FRYL: variants seen among roughly 807,000 people sequenced by gnomAD.
FRYL encodes the protein FRY like transcription coactivator, also known as protein furry homolog-like.
In FRYL, 150 loss-of-function variants were observed where a neutral mutation model predicts 351.2. The ratio of observed to expected loss-of-function variants is 0.43; its 90% CI spans 0.37 to 0.49. The LOEUF (loss-of-function observed/expected upper bound fraction) is 0.49, where lower values mean the gene tolerates loss of function less well. Ranked by LOEUF, FRYL falls within the 20% of genes least tolerant of loss-of-function variation. The pLI is 0.00. For missense variants in FRYL, 3,036 were observed against 3,619.3 expected (o/e 0.84, Z 4.13); for synonymous variants, 1,153 against 1,257.1 (o/e 0.92, Z 1.75).
chr4:48,630,958 T>C (rs188017512), intron 4 of FRYL, among the ~76,000 whole-genome samples: 21 of 152,314 alleles, frequency 1.4e-4, no homozygotes, highest in African/African-American at 4.8e-4. Flanking sequence ...CCTAAAAGGG[T>C]ACAGAATAAA....
chr4:48,631,110 C>G (rs1380331740), intron 4 of FRYL, among the ~76,000 whole-genome samples: 1 of 152,062 alleles, frequency 6.6e-6, no homozygotes, highest in Non-Finnish European at 1.5e-5. Flanking sequence ...TAAATAAAAA[C>G]AAAGCTGGCA....
At chr4:48,732,719 T>C (rs1212797430) in intron 1 of FRYL, among the ~76,000 whole-genome samples, 7 of 129,450 alleles carry the variant, frequency 5.4e-5, no homozygotes, top group African/African-American at 1.8e-4. Flanking sequence ...AAGTAGGAGA[T>C]GAACAATGAG....
chr4:48,729,735 G>A (rs941721282), intron 1 of FRYL, among the ~76,000 whole-genome samples: 5 of 152,082 alleles, frequency 3.3e-5, no homozygotes, highest in African/African-American at 1.2e-4. Flanking sequence ...CCCATCCGTA[G>A]GTCACCAACA....
chr4:48,660,313 G>A (rs1247535124), intron 3 of FRYL, among the ~76,000 whole-genome samples: 1 of 152,212 alleles, frequency 6.6e-6, no homozygotes. Flanking sequence ...TAACCTAGCA[G>A]GCCTGACTGC....
At position 48,498,034 on chromosome 4, in the gene FRYL, G is replaced by A. The variant is rs1718782993; in HGVS notation, c.*1388C>T. 6.6e-6 allele frequency: 1 copy of A among 151,662 alleles called. No homozygotes were observed. Among genetic ancestry groups the A allele is most frequent in the Non-Finnish European group, 1.5e-5 (1 of 67,908 alleles). The allele number at this position is 151,662 out of a possible 1,614,324, so 9.4% of individuals were successfully genotyped here. On this transcript the variant is annotated 3_prime_UTR_variant, in exon 64 of 64. Coordinates refer to ENST00000358350, the MANE Select transcript of FRYL (RefSeq NM_015030.2). ...TAAGAGATGTATATAAAAAATACAA[G>A]GTGTTTCTTTCAAATCAGGAGTTGT...
intron 39 of FRYL, 116 bp from the exon 40 acceptor site, chr4:48,548,909 A>C (rs1481724393): frequency 1.3e-5 from 8 of 608,820 alleles, no homozygotes; most frequent in Non-Finnish European, 2.3e-5. Context: ...AATACAACTT[A>C]TCAAGGAAAA....
Position 48,543,851 on chromosome 4 carries a change from A to C in FRYL, c.5548T>G (p.Ser1850Ala). 6 of 1,613,826 alleles carry C rather than the reference A, an allele frequency of 3.7e-6. No individual in the cohort carries two copies. The highest frequency in any genetic ancestry group is 5.1e-6 in the Non-Finnish European group (6 of 1,179,778). Reference sequence around the variant, plus strand: ...TCCCCTACAGTTTCTACAAGTCTGGAGAGAACATCAGAAAGTGTAGTTGCA... The same window carrying C: ...TCCCCTACAGTTTCTACAAGTCTGGCGAGAACATCAGAAAGTGTAGTTGCA... ...LTATTLSDVL[S>A]RLVETVGDPG... is the part of the protein sequence containing the mutation. Residue 1850 changes from serine (S) to alanine (A), a missense_variant, in exon 44 of 64, where the codon TCC (serine) becomes GCC (alanine). This residue lies in a region of FRYL where 1,987 missense variants were observed against 2,311.7 expected (regional missense o/e 0.86). Coordinates refer to ENST00000358350, the MANE Select transcript of FRYL (RefSeq NM_015030.2).
intron 32 of FRYL, 23 bp downstream of exon 32, chr4:48,562,865 AT>A: frequency 7.6e-7 from 1 of 1,314,760 alleles, no homozygotes; most frequent in Non-Finnish European, 1.1e-6. Context: ...GTAAAAAAAT[AT>A]TTAAATTCAC....
intron 1 of FRYL, among the ~76,000 whole-genome samples, chr4:48,743,579 A>G (rs1772349197): frequency 1.3e-5 from 2 of 152,200 alleles, no homozygotes; most frequent in Admixed American, 6.5e-5. Context: ...ACCTTTAAAC[A>G]TCTCAGTGAA....
Position 48,531,275 on chromosome 4 carries a change from T to C in FRYL, c.6784A>G (p.Ile2262Val). Residue 2262 changes from isoleucine to valine, a missense_variant, in exon 50 of 64, where the codon ATC (isoleucine) becomes GTC (valine). Physicochemically the swap from Ile to Val is conservative, Grantham distance 29. Around this residue, in one of 7 missense-constraint regions of FRYL, gnomAD observed 1,987 missense variants for 2,311.7 expected, o/e 0.86. Transcript: ENST00000358350. ...RSASLVVPSDIPKTYGGDTGS... is the reference protein window; with the variant it reads ...RSASLVVPSDVPKTYGGDTGS... Reference sequence around the variant, plus strand: ...GTATCTCCTCCATAGGTCTTGGGGATATCACTGGGTACGACAAGACTCGCA... The same window carrying C: ...GTATCTCCTCCATAGGTCTTGGGGACATCACTGGGTACGACAAGACTCGCA... The C allele has an allele frequency of 6.2e-7, 1 of 1,613,374 alleles. No individual in the cohort carries two copies.
intron 36 of FRYL, among the ~76,000 whole-genome samples, chr4:48,552,771 A>G (rs1177292700): frequency 6.6e-6 from 1 of 152,202 alleles, no homozygotes; most frequent in Non-Finnish European, 1.5e-5. Flanking sequence ...AATTATAAAG[A>G]GATAATTTAA....
intron 1 of FRYL, among the ~76,000 whole-genome samples, chr4:48,736,120 A>G (rs1771371467): frequency 6.6e-6 from 1 of 152,164 alleles, no homozygotes. Context: ...CAAATGACAG[A>G]TGGGTCAAAA....
intron 3 of FRYL, among the ~76,000 whole-genome samples, chr4:48,674,758 T>C (rs904214189): frequency 8.1e-5 from 4 of 49,212 alleles, no homozygotes; most frequent in Non-Finnish European, 1.8e-4. Context: ...AAAAAAAAAA[T>C]AGCAACATTA....
chr4:48,657,810 T>C (rs1157083982), intron 3 of FRYL, among the ~76,000 whole-genome samples: 1 of 152,248 alleles, frequency 6.6e-6, no homozygotes, highest in African/African-American at 2.4e-5. Flanking sequence ...TCAGCCTTTA[T>C]TGAATAAGGT....
chr4:48,690,884 T>C (rs1199091348), intron 2 of FRYL, among the ~76,000 whole-genome samples: 1 of 152,188 alleles, frequency 6.6e-6, no homozygotes, highest in Non-Finnish European at 1.5e-5. Context: ...GTTTCTAAGT[T>C]AATAAAAATG....
intron 4 of FRYL, among the ~76,000 whole-genome samples, chr4:48,624,537 C>G (rs1478723532): frequency 6.6e-6 from 1 of 152,160 alleles, no homozygotes; most frequent in Admixed American, 6.6e-5. Context: ...CATAAAGAGG[C>G]TTCCCCCAGT....
At chr4:48,653,627 G>T in intron 3 of FRYL, 1 of 842,410 alleles carries the variant, frequency 1.2e-6, no homozygotes, top group Non-Finnish European at 1.7e-6. Flanking sequence ...TTATCTATTT[G>T]GATTGGTCTG....
At chr4:48,761,374 C>G (rs1211529347) in intron 1 of FRYL, among the ~76,000 whole-genome samples, 3 of 152,140 alleles carry the variant, frequency 2.0e-5, no homozygotes, top group Admixed American at 2.0e-4. Context: ...TATAATGAAG[C>G]TGAAAACTTC....
Position 48,595,985 on chromosome 4 carries a change from T to C in FRYL, c.1051A>G (p.Met351Val), listed in dbSNP as rs763157267. The C allele has an allele frequency of 2.5e-6, 4 of 1,595,136 alleles. No homozygotes were observed. Among genetic ancestry groups the C allele is most frequent in the Non-Finnish European group, 3.4e-6 (4 of 1,171,886 alleles). ...LSHLKNKDPK[M>V]SRVALESLYR... ...AAAGATTCCAGTGCAACTCGAGACA[T>C]TTTCGGATCTTTATTCTGTTTTAAA... Residue 351 changes from methionine (M) to valine (V), a missense_variant, in exon 14 of 64, where the codon ATG (methionine) becomes GTG (valine). Met to Val is a conservative substitution (Grantham distance 21). This residue lies in a region of FRYL where 457 missense variants were observed against 566.6 expected (regional missense o/e 0.81). Transcript: ENST00000358350.
Sources: gnomAD v4.1 joint callset for allele counts (sites outside exome capture counted in the v4.1 genomes callset) on GRCh38, gnomAD v4.1.1 for gene constraint, gnomAD v4.1.1 regional missense constraint, MANE v1.5 for transcripts, NCBI Gene and HGNC (gene_info 2026-07-23, HGNC 2026-07-21) for gene names.